GRM7: variants seen among roughly 807,000 people sequenced by gnomAD.
GRM7 encodes glutamate metabotropic receptor 7, also known as metabotropic glutamate receptor 7.
Under a neutral mutation model 84.5 loss-of-function variants are expected in GRM7, and 35 were observed. The ratio of observed to expected loss-of-function variants is 0.41; its 90% CI spans 0.32 to 0.55. GRM7 has a LOEUF of 0.55. Ranked by LOEUF, GRM7 falls within the 20% of genes least tolerant of loss-of-function variation. The probability of loss-of-function intolerance (pLI) is 0.19; values close to 1 mark genes in which losing one functional copy is unlikely to be tolerated. For missense variants in GRM7, 1,003 were observed against 1,194.6 expected (o/e 0.84, Z 2.36); for synonymous variants, 487 against 455.1 (o/e 1.07, Z -0.89).
chr3:7,082,782 C>T (rs1698315166), intron 1 of GRM7, among the ~76,000 whole-genome samples: 1 of 152,082 alleles, frequency 6.6e-6, no homozygotes, highest in Non-Finnish European at 1.5e-5. Flanking sequence ...TCATGGATGA[C>T]TTTGAGGGGT....
chr3:7,099,376 A>G (rs1698987604), intron 1 of GRM7, among the ~76,000 whole-genome samples: 3 of 148,198 alleles, frequency 2.0e-5, no homozygotes, highest in African/African-American at 4.9e-5. Context: ...ACATATATAC[A>G]TATATAATAT....
In GRM7 at chr3:7,452,730, A is replaced by T. The variant is rs2229902; in HGVS notation, c.1298A>T (p.Tyr433Phe). 625,433 of 1,611,904 alleles carry T rather than the reference A, an allele frequency of 0.39. 135,069 individuals carry two copies. Among genetic ancestry groups the T allele is most frequent in the Non-Finnish European group, 0.45 (532,572 of 1,178,244 alleles). Residue 433 changes from tyrosine (Y) to phenylalanine (F), a missense_variant, in exon 6 of 10, where the codon TAC becomes TTC. Tyr to Phe is a conservative substitution (Grantham distance 22). This residue lies in a region of GRM7 where 910 missense variants were observed against 1,126.0 expected (regional missense o/e 0.81). Transcript: ENST00000357716. ...HHMNKDLCAD[Y>F]RGVCPEMEQA... ...ATGAACAAGGATCTCTGTGCTGACTACCGGGGTGTCTGCCCAGAGATGGAG... is the reference window on the plus strand; with the variant it reads ...ATGAACAAGGATCTCTGTGCTGACTTCCGGGGTGTCTGCCCAGAGATGGAG...
At chr3:7,094,576 C>T (rs571223173) in intron 1 of GRM7, among the ~76,000 whole-genome samples, 7 of 152,274 alleles carry the variant, frequency 4.6e-5, no homozygotes, top group African/African-American at 1.7e-4. Context: ...GTTGCACTCC[C>T]ATTGGGCAAT....
In GRM7 at chr3:7,461,692, C is replaced by A. The variant is rs150784421; in HGVS notation, c.1485C>A (p.Ile495=). Residue 495 remains isoleucine (I), a synonymous_variant, in exon 7 of 10, where the codon ATC becomes ATA. Coordinates refer to ENST00000357716, the MANE Select transcript of GRM7 (RefSeq NM_000844.4). ...CCAGCAACCCGGGTTACCGTCTGAT[C>A]GGGCAGTGGACAGACGAACTTCAGC... ...TNTSNPGYRL[I]GQWTDELQLN... is the part of the protein sequence containing the mutation. The A allele has an allele frequency of 9.9e-6, 16 of 1,613,850 alleles. No individual in the cohort carries two copies. The highest frequency in any genetic ancestry group is 1.3e-5 in the Non-Finnish European group (15 of 1,179,810).
chr3:7,420,924 G>A (rs1696366936), intron 5 of GRM7, among the ~76,000 whole-genome samples: 1 of 152,130 alleles, frequency 6.6e-6, no homozygotes, highest in Non-Finnish European at 1.5e-5. Flanking sequence ...AAAATGGTCT[G>A]AATGTCACAT....
chr3:7,312,897 G>A (rs1010365430), intron 4 of GRM7, among the ~76,000 whole-genome samples: 1 of 151,178 alleles, frequency 6.6e-6, no homozygotes, highest in Non-Finnish European at 1.5e-5. Flanking sequence ...CTTCTCACAT[G>A]AGAAACTCCT....
At chr3:7,652,637 G>A (rs549766369) in intron 8 of GRM7, among the ~76,000 whole-genome samples, 1 of 152,276 alleles carries the variant, frequency 6.6e-6, no homozygotes, top group East Asian at 1.9e-4. Context: ...CCTGCAGTTT[G>A]CACCCCATGG....
chr3:6,998,651 T>C (rs1376723016), intron 1 of GRM7, among the ~76,000 whole-genome samples: 1 of 152,228 alleles, frequency 6.6e-6, no homozygotes, highest in African/African-American at 2.4e-5. Context: ...CCATACATCC[T>C]ATGAAATCTA....
At chr3:7,317,205 A>C (rs991978973) in intron 4 of GRM7, among the ~76,000 whole-genome samples, 1 of 152,098 alleles carries the variant, frequency 6.6e-6, no homozygotes, top group Non-Finnish European at 1.5e-5. Flanking sequence ...AGTGAATACA[A>C]AAACGAACGT....
At chr3:7,295,687 C>A (rs149762696) in intron 2 of GRM7, among the ~76,000 whole-genome samples, 2 of 152,158 alleles carry the variant, frequency 1.3e-5, no homozygotes, top group South Asian at 4.1e-4. Flanking sequence ...ACTGGTTTTT[C>A]GGTGATACTA....
chr3:7,570,775 A>C (rs1433313456), intron 7 of GRM7, among the ~76,000 whole-genome samples: 1 of 152,090 alleles, frequency 6.6e-6, no homozygotes, highest in Non-Finnish European at 1.5e-5. Context: ...GGGGGCTCTC[A>C]CCCCACATTT....
intron 4 of GRM7, among the ~76,000 whole-genome samples, chr3:7,318,086 C>T (rs950349446): frequency 4.6e-5 from 7 of 151,992 alleles, no homozygotes; most frequent in African/African-American, 1.4e-4. Flanking sequence ...AAATCACAGG[C>T]GTCTTAACAT....
rs181670127 is a variant in GRM7 at position 7,729,728 on chromosome 3, A to G, written c.2699-10629A>G. Reference sequence around the variant, plus strand: ...TCTACTTTTGTTTTTTGTTTTTGAGACGGAGTCTCACTCTGTTGCCAGGCT... The same window carrying G: ...TCTACTTTTGTTTTTTGTTTTTGAGGCGGAGTCTCACTCTGTTGCCAGGCT... On this transcript the variant is annotated intron_variant, in intron 9 of 9. Coordinates refer to ENST00000357716, the MANE Select transcript of GRM7 (RefSeq NM_000844.4). Among the ~76,000 whole-genome samples, 755 of 152,188 alleles carry G rather than the reference A, an allele frequency of 5.0e-3. 6 individuals are homozygous for G. Among genetic ancestry groups the G allele is most frequent in the African/African-American group, 0.015 (641 of 41,522 alleles).
chr3:6,932,786 G>A (rs1228992002), intron 1 of GRM7, among the ~76,000 whole-genome samples: 1 of 118,880 alleles, frequency 8.4e-6, no homozygotes, highest in African/African-American at 3.4e-5. Context: ...ACAGAGTCTC[G>A]CCCTGTCAGC....
intron 4 of GRM7, among the ~76,000 whole-genome samples, chr3:7,391,421 A>G (rs932709239): frequency 6.6e-5 from 10 of 152,146 alleles, no homozygotes; most frequent in Non-Finnish European, 1.2e-4. Flanking sequence ...GACATGGATG[A>G]AGCTGGAAAC....
intron 1 of GRM7, among the ~76,000 whole-genome samples, chr3:7,129,256 C>T (rs980385356): frequency 6.6e-6 from 1 of 152,154 alleles, no homozygotes; most frequent in Non-Finnish European, 1.5e-5. Flanking sequence ...GTCTTCTTTG[C>T]CTTCTACACA....
intron 1 of GRM7, among the ~76,000 whole-genome samples, chr3:7,074,633 T>G (rs1698000522): frequency 1.3e-5 from 2 of 152,196 alleles, no homozygotes; most frequent in South Asian, 4.1e-4. Context: ...ACATTTAATA[T>G]TTTTAGAATT....
chr3:7,714,150 C>G (rs1019902165), intron 9 of GRM7, among the ~76,000 whole-genome samples: 2 of 152,156 alleles, frequency 1.3e-5, no homozygotes, highest in Non-Finnish European at 2.9e-5. Context: ...CTCTACAGAG[C>G]TGTGCCATCC....
At chr3:7,678,352 A>C (rs1309227955) in intron 8 of GRM7, among the ~76,000 whole-genome samples, 1 of 152,238 alleles carries the variant, frequency 6.6e-6, no homozygotes, top group Non-Finnish European at 1.5e-5. Context: ...TCATAAGCAG[A>C]GAAACAGAAA....
Sources: allele counts gnomAD v4.1 joint callset (sites outside exome capture counted in the v4.1 genomes callset), GRCh38; gene constraint gnomAD v4.1.1; regional missense constraint gnomAD v4.1.1; transcripts MANE v1.5; gene names NCBI Gene and HGNC (gene_info 2026-07-23, HGNC 2026-07-21).